Variants in CTNND2 observed in about 807,000 individuals in gnomAD.
The protein encoded by CTNND2 is catenin delta 2.
CTNND2 carries 22 observed loss-of-function variants against 144.4 expected under a neutral mutation model. That is an observed-to-expected ratio of 0.15 (90% CI 0.11 to 0.22). CTNND2 has a LOEUF of 0.22. CTNND2 is among the 10% of genes least tolerant of loss of function. The pLI is 1.00. For missense variants in CTNND2, 1,353 were observed against 1,618.8 expected, an observed-to-expected ratio of 0.84 and a Z score of 2.82; for synonymous variants, 751 against 695.6, an observed-to-expected ratio of 1.08 and a Z score of -1.25.
Position 11,281,154 on chromosome 5 carries a change from G to T in CTNND2, c.1629-44331C>A, listed in dbSNP as rs529281604. ...TGTTTTCGGCCTTTTAATGGCAGAC[G>T]TTTGCTCCTTGGGTAAATGGTTTCT... is the stretch of plus-strand genomic sequence containing the variant. On this transcript the variant is annotated intron_variant, in intron 9 of 21. Coordinates refer to ENST00000304623, the MANE Select transcript of CTNND2 (RefSeq NM_001332.4). Among the ~76,000 whole-genome samples, 8 of 152,274 alleles carry T rather than the reference G, an allele frequency of 5.3e-5. No homozygotes were observed. In the South Asian group the frequency reaches 1.5e-3, roughly 28 times the overall value.
chr5:11,825,249 C>A (rs1354475051), intron 1 of CTNND2, among the ~76,000 whole-genome samples: 1 of 151,508 alleles, frequency 6.6e-6, no homozygotes. Flanking sequence ...GGGATATAAG[C>A]AAAGAAATAA....
At chr5:11,611,874 T>C (rs1295774525) in intron 2 of CTNND2, among the ~76,000 whole-genome samples, 2 of 152,228 alleles carry the variant, frequency 1.3e-5, no homozygotes, top group East Asian at 1.9e-4. Flanking sequence ...CTCACTACAA[T>C]GTATTATCAA....
At chr5:11,050,252 A>G (rs1745694093) in intron 16 of CTNND2, among the ~76,000 whole-genome samples, 1 of 152,182 alleles carries the variant, frequency 6.6e-6, no homozygotes, top group Admixed American at 6.5e-5. Context: ...CCTACAAGAA[A>G]CACACCCAGA....
chr5:11,602,742 T>G (rs1779865366), intron 2 of CTNND2, among the ~76,000 whole-genome samples: 1 of 145,958 alleles, frequency 6.9e-6, no homozygotes, highest in African/African-American at 2.5e-5. Flanking sequence ...AATATAAATA[T>G]TATATATAAT....
chr5:11,084,600 G>A (rs11744876), intron 15 of CTNND2, among the ~76,000 whole-genome samples: 11,808 of 152,178 alleles, frequency 0.078, 585 homozygotes, highest in Non-Finnish European at 0.1. Context: ...TCTGGGAGAT[G>A]GCAGGGGTAC....
At chr5:11,868,059 A>C (rs1311290735) in intron 1 of CTNND2, among the ~76,000 whole-genome samples, 1 of 151,922 alleles carries the variant, frequency 6.6e-6, no homozygotes, top group Non-Finnish European at 1.5e-5. Flanking sequence ...CAGGTGGAGT[A>C]CTAGAACTAA....
intron 2 of CTNND2, among the ~76,000 whole-genome samples, chr5:11,672,515 G>C (rs1783927852): frequency 6.6e-6 from 1 of 152,156 alleles, no homozygotes; most frequent in East Asian, 1.9e-4. Flanking sequence ...GGTTCACCTT[G>C]CTGAGCTATG....
chr5:11,055,503 AT>A (rs1580157755), intron 16 of CTNND2, among the ~76,000 whole-genome samples: 1 of 152,210 alleles, frequency 6.6e-6, no homozygotes, highest in Non-Finnish European at 1.5e-5. Flanking sequence ...TTAAGCTGGA[AT>A]ATAAACTACT....
chr5:11,377,544 T>C (rs947057490), intron 7 of CTNND2, among the ~76,000 whole-genome samples: 1 of 152,132 alleles, frequency 6.6e-6, no homozygotes, highest in African/African-American at 2.4e-5. Flanking sequence ...CATATCAATA[T>C]CAATAATATT....
rs538904879 is a variant in CTNND2, at chr5:11,276,858, A to G, written c.1629-40035T>C. On this transcript the variant is annotated intron_variant, in intron 9 of 21. Coordinates refer to ENST00000304623, the MANE Select transcript of CTNND2 (RefSeq NM_001332.4). Reference sequence around the variant, plus strand: ...GGAGATTGGAGTGGTGAGGCCACAAACCAAGGAAAGCCAGGGGCCACTGGA... The same window carrying G: ...GGAGATTGGAGTGGTGAGGCCACAAGCCAAGGAAAGCCAGGGGCCACTGGA... 3.3e-5 allele frequency among the ~76,000 whole-genome samples: 5 copies of G among 152,240 alleles called. No individual in the cohort carries two copies. In the South Asian group the frequency reaches 6.2e-4, roughly 19 times the overall value.
intron 16 of CTNND2, among the ~76,000 whole-genome samples, chr5:11,054,191 A>C (rs1746125430): frequency 6.6e-6 from 1 of 152,226 alleles, no homozygotes. Context: ...GCTATGAAGC[A>C]CGAGGACAAT....
At chr5:11,398,489 A>T (rs1357139385) in intron 5 of CTNND2, among the ~76,000 whole-genome samples, 1 of 152,158 alleles carries the variant, frequency 6.6e-6, no homozygotes, top group Non-Finnish European at 1.5e-5. Flanking sequence ...TTTCATCAGT[A>T]TTTGAAACAA....
intron 5 of CTNND2, among the ~76,000 whole-genome samples, chr5:11,399,242 C>T (rs375095802): frequency 2.6e-5 from 4 of 152,164 alleles, no homozygotes; most frequent in African/African-American, 7.2e-5. Context: ...TCTCCTCCCC[C>T]CTTGAGATAG....
At chr5:11,137,368 AT>A (rs1403535043) in intron 12 of CTNND2, among the ~76,000 whole-genome samples, 1 of 152,208 alleles carries the variant, frequency 6.6e-6, no homozygotes, top group African/African-American at 2.4e-5. Flanking sequence ...AAGAAGCTGT[AT>A]CTAGTCGTCT....
At chr5:11,595,270 C>G (rs1779447585) in intron 2 of CTNND2, among the ~76,000 whole-genome samples, 1 of 152,134 alleles carries the variant, frequency 6.6e-6, no homozygotes, top group African/African-American at 2.4e-5. Flanking sequence ...GACAAGTACT[C>G]AGATGCAACT....
At chr5:11,084,331 C>T (rs982843147) in intron 15 of CTNND2, among the ~76,000 whole-genome samples, 7 of 152,132 alleles carry the variant, frequency 4.6e-5, no homozygotes, top group Non-Finnish European at 7.3e-5. Context: ...TGCATTTAAC[C>T]GACATGCTGA....
chr5:11,410,874 AT>A lies in CTNND2; in HGVS notation c.439+661del, dbSNP rs75920355. On this transcript the variant is annotated intron_variant, in intron 5 of 21. Transcript: ENST00000304623. ...TCTATGAGTAAAGCACTGATAGGTA[AT>A]TTTTTTTTTTTTTTAAGACGGAGTC... Among the ~76,000 whole-genome samples the A allele has an allele frequency of 6.2e-3, 884 of 143,574 alleles. 4 individuals carry two copies. The highest frequency in any genetic ancestry group is 0.014 in the African/African-American group (540 of 39,396). 94.2% of individuals were successfully genotyped at this position (143,574 alleles called of 152,430 possible). A position where few individuals can be genotyped will look rare whatever the true frequency, so the allele number is the denominator to read the frequency against.
intron 1 of CTNND2, among the ~76,000 whole-genome samples, chr5:11,748,034 T>C (rs534508604): frequency 2.0e-5 from 3 of 152,284 alleles, no homozygotes; most frequent in South Asian, 4.1e-4. Context: ...CAAACAGATA[T>C]CTGCACTCAG....
At chr5:11,502,383 T>C (rs249236) in intron 3 of CTNND2, among the ~76,000 whole-genome samples, 37,353 of 152,154 alleles carry the variant, frequency 0.25, 6,977 homozygotes, top group African/African-American at 0.53. Context: ...CAGAATCCTA[T>C]ATAATCCTTA....
Sources: gnomAD v4.1 joint callset for allele counts (sites outside exome capture counted in the v4.1 genomes callset) on GRCh38, gnomAD v4.1.1 for gene constraint, MANE v1.5 for transcripts, NCBI Gene and HGNC (gene_info 2026-07-23, HGNC 2026-07-21) for gene names.